The following DHRSX variants were observed in gnomAD, a reference collection of about 807,000 sequenced individuals.
DHRSX encodes the protein dehydrogenase/reductase X-linked, also known as polyprenol dehydrogenase.
Under a neutral mutation model 34.0 loss-of-function variants are expected in DHRSX, and 31 were observed. That is an observed-to-expected ratio of 0.91 (90% CI 0.69 to 1.23). DHRSX has a LOEUF of 1.23. Ranked by LOEUF, DHRSX falls within the 50% of genes most tolerant of loss-of-function variation. The probability of loss-of-function intolerance (pLI) is 0.00; values close to 1 mark genes in which losing one functional copy is unlikely to be tolerated. For missense variants in DHRSX, 414 were observed against 428.1 expected (o/e 0.97, Z 0.29); for synonymous variants, 201 against 183.8 (o/e 1.09, Z -0.76).
intron 3 of DHRSX, among the ~76,000 whole-genome samples, chrX:2,326,382 G>C (rs1320738031): frequency 6.6e-6 from 1 of 152,132 alleles, no homozygotes; most frequent in Non-Finnish European, 1.5e-5. Context: ...AATTAGCCGG[G>C]CGTGGTGGCA....
intron 1 of DHRSX, among the ~76,000 whole-genome samples, chrX:2,434,453 G>C (rs1468007626): frequency 2.0e-5 from 3 of 152,138 alleles, no homozygotes; most frequent in African/African-American, 7.2e-5. Context: ...AGGATCAGCG[G>C]AGGCTAGGAG....
chrX:2,369,199 TGA>T (rs1321428755), intron 3 of DHRSX, among the ~76,000 whole-genome samples: 1 of 152,182 alleles, frequency 6.6e-6, no homozygotes, highest in African/African-American at 2.4e-5. Context: ...CATTTCATGT[TGA>T]GAGACAGTGG....
intron 3 of DHRSX, among the ~76,000 whole-genome samples, chrX:2,353,491 G>GGTCACTAA (rs1365363141): frequency 6.6e-6 from 1 of 152,046 alleles, no homozygotes; most frequent in Non-Finnish European, 1.5e-5. Context: ...TAGGACAAAG[G>GGTCACTAA]GTCACTAAGA....
chrX:2,246,341 G>A (rs902549130), intron 5 of DHRSX, among the ~76,000 whole-genome samples: 1 of 151,990 alleles, frequency 6.6e-6, no homozygotes, highest in Non-Finnish European at 1.5e-5. Flanking sequence ...ACAATATTGA[G>A]GGCTGGGTGC....
In DHRSX at chrX:2,416,843, A is replaced by G. The variant is rs757179166; in HGVS notation, c.218-8030T>C. On this transcript the variant is annotated intron_variant, in intron 2 of 6. Coordinates refer to ENST00000334651, the MANE Select transcript of DHRSX (RefSeq NM_145177.3). ...ATCTGAATTATTTTACAAGTAATTGATTATTCTTTAAATATTAATAAATTT... is the reference window on the plus strand; with the variant it reads ...ATCTGAATTATTTTACAAGTAATTGGTTATTCTTTAAATATTAATAAATTT... Among the ~76,000 whole-genome samples the G allele has an allele frequency of 1.2e-3, 178 of 151,464 alleles. 1 individual carries two copies. Among genetic ancestry groups the G allele is most frequent in the African/African-American group, 4.2e-3 (173 of 41,240 alleles).
intron 1 of DHRSX, among the ~76,000 whole-genome samples, chrX:2,452,370 C>G (rs2044234686): frequency 6.6e-6 from 1 of 151,482 alleles, no homozygotes; most frequent in Non-Finnish European, 1.5e-5. Context: ...GTCAAGGGAC[C>G]GCACTGAAGA....
intron 3 of DHRSX, among the ~76,000 whole-genome samples, chrX:2,363,307 G>T (rs969891375): frequency 4.2e-4 from 59 of 140,796 alleles, no homozygotes; most frequent in Admixed American, 3.6e-4. Context: ...TTTTATCACC[G>T]TTCTATGGTA....
intron 6 of DHRSX, among the ~76,000 whole-genome samples, chrX:2,225,702 G>A (rs2015643042): frequency 2.7e-5 from 4 of 147,268 alleles, no homozygotes; most frequent in Admixed American, 1.4e-4. Context: ...AGGAGATGAG[G>A]ACACAGACAC....
At chrX:2,304,327 G>A (rs867289976) in intron 3 of DHRSX, among the ~76,000 whole-genome samples, 13 of 149,556 alleles carry the variant, frequency 8.7e-5, no homozygotes, top group African/African-American at 3.2e-4. Context: ...ATGGATGGAT[G>A]GATGGATGAA....
chrX:2,305,200 G>C (rs1245118160), intron 3 of DHRSX, among the ~76,000 whole-genome samples: 1 of 147,952 alleles, frequency 6.8e-6, no homozygotes, highest in East Asian at 2.1e-4. Flanking sequence ...ACTGGGGCGT[G>C]TTGTGGGTGG....
At chrX:2,405,898 G>A (rs1466968054) in intron 3 of DHRSX, among the ~76,000 whole-genome samples, 2 of 83,520 alleles carry the variant, frequency 2.4e-5, no homozygotes, top group African/African-American at 1.9e-4. Flanking sequence ...GAAGGGATGT[G>A]CATTTAAAAA....
intron 4 of DHRSX, among the ~76,000 whole-genome samples, chrX:2,272,017 G>A (rs1480528913): frequency 6.6e-6 from 1 of 151,994 alleles, no homozygotes; most frequent in African/African-American, 2.4e-5. Context: ...CTCCAGCCTG[G>A]GCGAAAGAGT....
rs191877731 is a variant in DHRSX, at chrX:2,452,640, G to A, written c.110-27336C>T. Reference sequence around the variant, plus strand: ...ACGTTCCCTACGCATGCGGCCAACGGACTGCCACTGTGTACGCGCGGAAGA... The same window carrying A: ...ACGTTCCCTACGCATGCGGCCAACGAACTGCCACTGTGTACGCGCGGAAGA... On this transcript the variant is annotated intron_variant, in intron 1 of 6. Coordinates refer to ENST00000334651, the MANE Select transcript of DHRSX (RefSeq NM_145177.3). Among the ~76,000 whole-genome samples, 540 of 152,040 alleles carry A rather than the reference G, an allele frequency of 3.6e-3. 1 individual carries two copies. Among genetic ancestry groups the A allele is most frequent in the Admixed American group, 0.016 (243 of 15,254 alleles).
intron 3 of DHRSX, among the ~76,000 whole-genome samples, chrX:2,348,686 ATTTTTAT>A (rs1418684269): frequency 5.1e-5 from 7 of 138,406 alleles, no homozygotes; most frequent in South Asian, 2.2e-4. Flanking sequence ...TGGGTCTCTT[ATTTTTAT>A]TTTTTTTTTT....
chrX:2,441,932 G>A (rs2044067805), intron 1 of DHRSX, among the ~76,000 whole-genome samples: 1 of 152,102 alleles, frequency 6.6e-6, no homozygotes, highest in African/African-American at 2.4e-5. Context: ...AAATTAGCTG[G>A]GTGTGGTGGC....
intron 1 of DHRSX, among the ~76,000 whole-genome samples, chrX:2,451,887 A>G (rs1020478315): frequency 5.3e-5 from 8 of 151,912 alleles, no homozygotes; most frequent in African/African-American, 1.7e-4. Context: ...GAATGCAACT[A>G]AAAGACAACA....
chrX:2,269,537 GTATT>G (rs1452212041), intron 4 of DHRSX, among the ~76,000 whole-genome samples: 20 of 151,990 alleles, frequency 1.3e-4, no homozygotes, highest in African/African-American at 4.6e-4. Flanking sequence ...TTATATGTAT[GTATT>G]TATTTATTTT....
At chrX:2,438,306 T>TACAC (rs113154779) in intron 1 of DHRSX, among the ~76,000 whole-genome samples, 15,502 of 149,546 alleles carry the variant, frequency 0.1, 1,577 homozygotes, top group African/African-American at 0.26. Context: ...ACAGAATGCA[T>TACAC]ACACACACAC....
chrX:2,437,565 G>C (rs2044007070), intron 1 of DHRSX, among the ~76,000 whole-genome samples: 1 of 151,010 alleles, frequency 6.6e-6, no homozygotes, highest in Non-Finnish European at 1.5e-5. Context: ...GTTCATATCA[G>C]TGCACTCCAG....
Sources: gnomAD v4.1 joint callset for allele counts (sites outside exome capture counted in the v4.1 genomes callset) on GRCh38, gnomAD v4.1.1 for gene constraint, MANE v1.5 for transcripts, NCBI Gene and HGNC (gene_info 2026-07-23, HGNC 2026-07-21) for gene names.